TOX: variants seen among roughly 807,000 people sequenced by gnomAD.
TOX encodes the protein thymocyte selection associated high mobility group box.
Under a neutral mutation model 53.7 loss-of-function variants are expected in TOX, and 11 were observed. The observed-to-expected ratio is 0.20, with a 90% CI of 0.13 to 0.34. TOX has a LOEUF of 0.34. Ranked by LOEUF, TOX falls within the 10% of genes least tolerant of loss-of-function variation. The probability of loss-of-function intolerance (pLI) is 1.00; values close to 1 mark genes in which losing one functional copy is unlikely to be tolerated. For missense variants in TOX, 570 were observed against 664.6 expected, an observed-to-expected ratio of 0.86 and a Z score of 1.56; for synonymous variants, 225 against 245.3, an observed-to-expected ratio of 0.92 and a Z score of 0.77.
rs185788346 is a variant in TOX at position 58,972,471 on chromosome 8, T to G, written c.103-12463A>C. ...TCATAAAAGAAAGATATCAGACAGT[T>G]TGACATGAAAATATAAGGTTATACT... is the stretch of plus-strand genomic sequence containing the variant. On this transcript the variant is annotated intron_variant, in intron 1 of 8. Transcript: ENST00000361421. 6.4e-4 allele frequency among the ~76,000 whole-genome samples: 97 copies of G among 152,292 alleles called. 2 individuals are homozygous for G. In the East Asian group the frequency reaches 0.014, roughly 22 times the overall value.
intron 1 of TOX, among the ~76,000 whole-genome samples, chr8:59,021,797 G>A (rs979557419): frequency 2.0e-5 from 3 of 151,854 alleles, no homozygotes; most frequent in Non-Finnish European, 4.4e-5. Context: ...AATTCCAACC[G>A]TCACACCTGG....
chr8:58,931,572 G>C (rs1471413906), intron 3 of TOX, among the ~76,000 whole-genome samples: 1 of 152,146 alleles, frequency 6.6e-6, no homozygotes, highest in East Asian at 1.9e-4. Context: ...GAACTTCCTG[G>C]AAAGAATCTA....
intron 1 of TOX, among the ~76,000 whole-genome samples, chr8:59,025,110 C>G (rs1814209969): frequency 6.6e-6 from 1 of 152,032 alleles, no homozygotes. Flanking sequence ...CTCAGAAGGC[C>G]CAGGCTTCAG....
intron 3 of TOX, among the ~76,000 whole-genome samples, chr8:58,928,384 A>G (rs1812199891): frequency 2.0e-5 from 3 of 152,240 alleles, no homozygotes; most frequent in South Asian, 2.1e-4. Context: ...GCATCTGTCC[A>G]GTGGGGAAAT....
At chr8:58,889,087 C>T (rs1811519041) in intron 3 of TOX, among the ~76,000 whole-genome samples, 2 of 151,520 alleles carry the variant, frequency 1.3e-5, no homozygotes, top group Non-Finnish European at 1.5e-5. Flanking sequence ...ATGCAGAGTA[C>T]AATTTGGCAT....
At chr8:59,021,182 A>C (rs1199791562) in intron 1 of TOX, among the ~76,000 whole-genome samples, 2 of 151,168 alleles carry the variant, frequency 1.3e-5, no homozygotes, top group Admixed American at 1.3e-4. Context: ...ATGTATCTAA[A>C]ACTTAAAACT....
At chr8:59,100,706 C>T (rs1348106970) in intron 1 of TOX, among the ~76,000 whole-genome samples, 3 of 152,000 alleles carry the variant, frequency 2.0e-5, no homozygotes, top group Non-Finnish European at 2.9e-5. Context: ...TATGATGAAT[C>T]GGAACAAAAT....
At chr8:59,029,368 T>C (rs1180031159) in intron 1 of TOX, among the ~76,000 whole-genome samples, 3 of 152,162 alleles carry the variant, frequency 2.0e-5, no homozygotes, top group Non-Finnish European at 4.4e-5. Context: ...AAGTAATTTA[T>C]GTTGGATTAA....
chr8:58,856,137 T>G (rs576766073), intron 3 of TOX, among the ~76,000 whole-genome samples: 1 of 152,342 alleles, frequency 6.6e-6, no homozygotes, highest in African/African-American at 2.4e-5. Flanking sequence ...CACGATTCCA[T>G]GCTGCCTTTA....
At chr8:59,056,431 G>GAA (rs397697554) in intron 1 of TOX, among the ~76,000 whole-genome samples, 2,569 of 55,506 alleles carry the variant, frequency 0.046, 312 homozygotes, top group African/African-American at 0.16. Flanking sequence ...GGCCCTCTCC[G>GAA]AAAAAAAAAA....
chr8:59,017,966 C>T (rs956446697), intron 1 of TOX, among the ~76,000 whole-genome samples: 8 of 152,136 alleles, frequency 5.3e-5, no homozygotes, highest in African/African-American at 1.7e-4. Flanking sequence ...AGTGTACATT[C>T]TCCATTATAC....
intron 2 of TOX, among the ~76,000 whole-genome samples, chr8:58,947,775 T>C (rs188356009): frequency 1.2e-4 from 18 of 152,290 alleles, no homozygotes; most frequent in African/African-American, 4.3e-4. Context: ...TATAAGCAGA[T>C]TTACACTGAT....
At chr8:59,099,511 G>A (rs1804768263) in intron 1 of TOX, among the ~76,000 whole-genome samples, 1 of 152,108 alleles carries the variant, frequency 6.6e-6, no homozygotes. Flanking sequence ...TAAGCACTGT[G>A]AAAAAAACCT....
intron 1 of TOX, among the ~76,000 whole-genome samples, chr8:59,080,175 G>T (rs1287747494): frequency 6.6e-6 from 1 of 151,934 alleles, no homozygotes; most frequent in Non-Finnish European, 1.5e-5. Flanking sequence ...TAGACACAGG[G>T]TTTCACCATG....
chr8:59,072,800 A>C (rs184711882), intron 1 of TOX, among the ~76,000 whole-genome samples: 1 of 152,316 alleles, frequency 6.6e-6, no homozygotes, highest in Admixed American at 6.5e-5. Flanking sequence ...GTAAAACAAA[A>C]ACCTATTATT....
intron 1 of TOX, among the ~76,000 whole-genome samples, chr8:59,056,431 G>GAAAAA (rs397697554): frequency 8.9e-5 from 5 of 56,274 alleles, no homozygotes; most frequent in African/African-American, 4.5e-4. Flanking sequence ...GGCCCTCTCC[G>GAAAAA]AAAAAAAAAA....
chr8:58,976,895 G>A (rs1043180298), intron 1 of TOX, among the ~76,000 whole-genome samples: 3 of 152,198 alleles, frequency 2.0e-5, no homozygotes, highest in African/African-American at 7.2e-5. Context: ...AGCAAACCAT[G>A]CTGTAAAAGG....
intron 1 of TOX, among the ~76,000 whole-genome samples, chr8:59,003,566 T>C (rs1813734984): frequency 6.6e-6 from 1 of 152,190 alleles, no homozygotes; most frequent in Admixed American, 6.5e-5. Context: ...AAGGAATGAA[T>C]AAAATGTTCG....
intron 1 of TOX, among the ~76,000 whole-genome samples, chr8:59,006,658 A>G (rs915258592): frequency 4.3e-4 from 65 of 152,330 alleles, no homozygotes; most frequent in African/African-American, 1.5e-3. Context: ...ACTAAATATT[A>G]GTAATACTGA....
Sources: gnomAD v4.1 joint callset for allele counts (sites outside exome capture counted in the v4.1 genomes callset) on GRCh38, gnomAD v4.1.1 for gene constraint, MANE v1.5 for transcripts, NCBI Gene and HGNC (gene_info 2026-07-23, HGNC 2026-07-21) for gene names.